Variants in RAB3C observed in about 807,000 individuals in gnomAD.
RAB3C encodes RAB3C, member RAS oncogene family.
RAB3C carries 17 observed loss-of-function variants against 26.4 expected under a neutral mutation model. That is an observed-to-expected ratio of 0.64 (90% confidence interval 0.44 to 0.97). The LOEUF (loss-of-function observed/expected upper bound fraction) is 0.97, where lower values mean the gene tolerates loss of function less well. RAB3C is among the 50% of genes least tolerant of loss of function. The probability of loss-of-function intolerance (pLI) is 0.00; values close to 1 mark genes in which losing one functional copy is unlikely to be tolerated. For synonymous variants in RAB3C, 91 were observed against 95.9 expected (o/e 0.95, Z 0.30); for missense variants, 242 against 281.9 (o/e 0.86, Z 1.01).
intron 3 of RAB3C, among the ~76,000 whole-genome samples, chr5:58,797,355 TATGTATATATATA>T (rs1183458853): frequency 0.049 from 1,033 of 21,220 alleles, 42 homozygotes; most frequent in East Asian, 0.11. Context: ...AAAAAAAAAA[TATGTATATATATA>T]ATATATATAT....
chr5:58,745,392 CAAAAAAAAAA>C (rs1173604247), intron 3 of RAB3C, among the ~76,000 whole-genome samples: 7 of 33,110 alleles, frequency 2.1e-4, no homozygotes, highest in Non-Finnish European at 4.0e-4. Context: ...GACTCTGCTT[CAAAAAAAAAA>C]AAAAAAAAAA....
At chr5:58,627,420 G>T (rs1397308466) in intron 2 of RAB3C, among the ~76,000 whole-genome samples, 1 of 81,898 alleles carries the variant, frequency 1.2e-5, no homozygotes, top group Admixed American at 1.5e-4. Context: ...AGCCGAGATT[G>T]CGCCACTGCA....
chr5:58,838,711 G>A (rs1215408984), intron 4 of RAB3C, among the ~76,000 whole-genome samples: 1 of 152,160 alleles, frequency 6.6e-6, no homozygotes, highest in Non-Finnish European at 1.5e-5. Flanking sequence ...AGGTCCATCT[G>A]GTTTGTGGCA....
intron 4 of RAB3C, among the ~76,000 whole-genome samples, chr5:58,825,879 G>A (rs746604893): frequency 5.9e-5 from 9 of 152,136 alleles, no homozygotes; most frequent in African/African-American, 1.4e-4. Context: ...CTGGGTACTC[G>A]TTGTATGCTT....
chr5:58,740,735 G>T (rs879374560), intron 3 of RAB3C, among the ~76,000 whole-genome samples: 1 of 152,096 alleles, frequency 6.6e-6, no homozygotes, highest in Non-Finnish European at 1.5e-5. Context: ...CAGGAAAATC[G>T]CTTGAACCCA....
At position 58,751,079 on chromosome 5, in the gene RAB3C, C is replaced by A. The variant is rs189349057; in HGVS notation, c.371+24959C>A. ...ACGTTGGCCAGGCTGGTCTCGAACT[C>A]CAGGCCTCAAGTGATCCACTCGGCT... On this transcript the variant is annotated intron_variant, in intron 3 of 4. Coordinates refer to ENST00000282878, the MANE Select transcript of RAB3C (RefSeq NM_138453.4). Among the ~76,000 whole-genome samples, 78 of 152,274 alleles carry A rather than the reference C, an allele frequency of 5.1e-4. 1 individual carries two copies. Among genetic ancestry groups the A allele is most frequent in the Admixed American group, 1.4e-3 (22 of 15,298 alleles).
chr5:58,605,497 C>T (rs1243723921), intron 1 of RAB3C, among the ~76,000 whole-genome samples: 1 of 152,142 alleles, frequency 6.6e-6, no homozygotes, highest in African/African-American at 2.4e-5. Context: ...GAAATGAAGT[C>T]ACAGGGCAAA....
At chr5:58,739,227 A>C (rs1741221934) in intron 3 of RAB3C, among the ~76,000 whole-genome samples, 1 of 152,216 alleles carries the variant, frequency 6.6e-6, no homozygotes, top group Admixed American at 6.5e-5. Flanking sequence ...GATACATGTT[A>C]TTGACCCTCA....
intron 1 of RAB3C, among the ~76,000 whole-genome samples, chr5:58,616,225 A>T (rs1053984303): frequency 6.6e-5 from 10 of 152,190 alleles, no homozygotes; most frequent in Non-Finnish European, 1.5e-4. Flanking sequence ...AATGTTCTGT[A>T]TTTGCACTGT....
intron 3 of RAB3C, among the ~76,000 whole-genome samples, chr5:58,773,439 T>A (rs2111990821): frequency 6.6e-6 from 1 of 152,174 alleles, no homozygotes; most frequent in African/African-American, 2.4e-5. Context: ...GGAAAATAAG[T>A]AAGAATTCAC....
intron 1 of RAB3C, among the ~76,000 whole-genome samples, chr5:58,587,841 GTTCAAAAGTCAC>G (rs1746044146): frequency 6.6e-6 from 1 of 152,086 alleles, no homozygotes; most frequent in Non-Finnish European, 1.5e-5. Flanking sequence ...CCCTGGGAAG[GTTCAAAAGTCAC>G]TCAGCCCTGC....
chr5:58,801,626 T>G (rs1742810093), intron 3 of RAB3C, among the ~76,000 whole-genome samples: 2 of 152,242 alleles, frequency 1.3e-5, no homozygotes, highest in Admixed American at 1.3e-4. Flanking sequence ...ATTTATAATT[T>G]AATCCCAGAA....
chr5:58,795,959 T>C (rs939153438), intron 3 of RAB3C, among the ~76,000 whole-genome samples: 15 of 152,232 alleles, frequency 9.9e-5, no homozygotes, highest in Admixed American at 3.9e-4. Context: ...AAGGTTTGAC[T>C]GTATTCTCTA....
chr5:58,632,131 T>C (rs1171955317), intron 2 of RAB3C, among the ~76,000 whole-genome samples: 2 of 152,184 alleles, frequency 1.3e-5, no homozygotes, highest in Non-Finnish European at 2.9e-5. Context: ...GATGGCCTGA[T>C]CTCACAATAT....
chr5:58,712,726 T>TGTTA (rs1374669224), intron 2 of RAB3C, among the ~76,000 whole-genome samples: 3 of 152,198 alleles, frequency 2.0e-5, no homozygotes, highest in Non-Finnish European at 2.9e-5. Flanking sequence ...GGTTTCACCA[T>TGTTA]GTTAGCTAGG....
At chr5:58,823,102 C>T (rs757706409) in intron 3 of RAB3C, 1 of 480,932 alleles carries the variant, frequency 2.1e-6, no homozygotes, top group Non-Finnish European at 4.0e-6. Flanking sequence ...ATGGGAAACA[C>T]ATCATGGGTC....
intron 2 of RAB3C, among the ~76,000 whole-genome samples, chr5:58,696,240 T>C (rs532423630): frequency 6.6e-6 from 1 of 152,234 alleles, no homozygotes; most frequent in Non-Finnish European, 1.5e-5. Flanking sequence ...GATTAGCATA[T>C]GTTGAACCAG....
intron 3 of RAB3C, among the ~76,000 whole-genome samples, chr5:58,745,858 A>T (rs945549647): frequency 6.6e-6 from 1 of 152,142 alleles, no homozygotes; most frequent in Non-Finnish European, 1.5e-5. Context: ...ATTTATCCTC[A>T]TATTTCCCAA....
intron 1 of RAB3C, among the ~76,000 whole-genome samples, chr5:58,585,462 A>G (rs1444623852): frequency 6.6e-6 from 1 of 151,938 alleles, no homozygotes; most frequent in Non-Finnish European, 1.5e-5. Flanking sequence ...TTTTTTACTT[A>G]GGTCTGTAGA....
Sources: gnomAD v4.1 joint callset for allele counts (sites outside exome capture counted in the v4.1 genomes callset) on GRCh38, gnomAD v4.1.1 for gene constraint, MANE v1.5 for transcripts, NCBI Gene and HGNC (gene_info 2026-07-23, HGNC 2026-07-21) for gene names.